Variants in PSG3 observed in about 807,000 individuals in gnomAD.
PSG3 encodes pregnancy-specific beta-1-glycoprotein 3.
A neutral mutation model predicts 47.5 loss-of-function variants in PSG3; 61 were observed. That is an observed-to-expected ratio of 1.28 (90% CI 1.05 to 1.59). The LOEUF is 1.59. Ranked by LOEUF, PSG3 falls within the 40% of genes most tolerant of loss-of-function variation. The probability of loss-of-function intolerance (pLI) is 0.00; values close to 1 mark genes in which losing one functional copy is unlikely to be tolerated. For synonymous variants in PSG3, 263 were observed against 198.4 expected (o/e 1.33, Z -2.74); for missense variants, 756 against 524.0 (o/e 1.44, Z -4.32).
Position 42,737,123 on chromosome 19 carries a change from T to C in PSG3, c.430+1601A>G, listed in dbSNP as rs529903943. Among the ~76,000 whole-genome samples, 26 of 152,124 alleles carry C rather than the reference T, an allele frequency of 1.7e-4. 1 individual carries two copies. The highest frequency in any genetic ancestry group is 6.0e-4 in the African/African-American group (25 of 41,494). On this transcript the variant is annotated intron_variant, in intron 2 of 6. Coordinates refer to ENST00000327495, the MANE Select transcript of PSG3 (RefSeq NM_021016.4). ...GACCCCAGGGACCAGGTGCCCCCAG[T>C]TCCACAGTCCAGGACCAAGGAGCCC... is the stretch of plus-strand genomic sequence containing the variant.
chr19:42,732,998 C>G lies in PSG3; in HGVS notation c.495G>C (p.Val165=). Residue 165 remains valine, a synonymous_variant, in exon 3 of 7, where the codon GTG becomes GTC. Transcript: ENST00000327495. ...NLYPREDMEA[V]SLTCDPETPD... is the part of the protein sequence containing the mutation. ...GAGTCTCAGGATCACAGGTTAAGCT[C>G]ACAGCCTCCATGTCCTCCCTGGGGT... is the stretch of plus-strand genomic sequence containing the variant. 6.2e-7 allele frequency: 1 copy of G among 1,614,174 alleles called. No individual in the cohort carries two copies. Among genetic ancestry groups the G allele is most frequent in the South Asian group, 1.1e-5 (1 of 91,076 alleles).
In PSG3 at chr19:42,738,934, C is replaced by T; in HGVS notation, c.220G>A (p.Asp74Asn). The change falls in exon 2 of 7, where the codon GAC becomes AAC. Residue 74 changes from aspartate (D) to asparagine (N), a missense_variant. Physicochemically the swap from Asp to Asn is conservative, Grantham distance 23. Transcript: ENST00000327495. ...TATGATGTAATGTAATGGTAGAGGT[C>T]CTTCATTTGCCCTTTGTACCAGATG... ...GYIWYKGQMK[D>N]LYHYITSYVV... The T allele has an allele frequency of 6.2e-7, 1 of 1,613,942 alleles. No individual in the cohort carries two copies. Among genetic ancestry groups the T allele is most frequent in the Non-Finnish European group, 8.5e-7 (1 of 1,179,958 alleles).
intron 6 of PSG3, among the ~76,000 whole-genome samples, chr19:42,722,615 A>G (rs553556414): frequency 1.3e-5 from 2 of 152,188 alleles, no homozygotes; most frequent in Non-Finnish European, 2.9e-5. Context: ...AGCATCACTT[A>G]TCACTTATTT....
intron 5 of PSG3, among the ~76,000 whole-genome samples, chr19:42,724,874 C>CATAT (rs542715083): frequency 0.022 from 3,284 of 150,508 alleles, 99 homozygotes; most frequent in African/African-American, 0.075. Flanking sequence ...CCTCTTTTTC[C>CATAT]ATATATATAT....
chr19:42,734,442 A>G (rs539918574), intron 2 of PSG3, among the ~76,000 whole-genome samples: 5 of 152,278 alleles, frequency 3.3e-5, no homozygotes, highest in African/African-American at 9.6e-5. Context: ...CTCAATTTGT[A>G]ATACTGTAAT....
intron 5 of PSG3, among the ~76,000 whole-genome samples, chr19:42,725,580 T>C (rs1969362966): frequency 2.0e-5 from 3 of 152,210 alleles, no homozygotes; most frequent in Non-Finnish European, 2.9e-5. Flanking sequence ...GAAAATGGAC[T>C]CTGAGCATGG....
In PSG3 at chr19:42,732,685, G is replaced by A. The variant is rs968472051; in HGVS notation, c.709+99C>T. 9.9e-6 allele frequency: 16 copies of A among 1,613,296 alleles called. No homozygotes were observed. In the African/African-American group the frequency reaches 2.0e-4, roughly 20 times the overall value. The stretch of plus-strand genomic sequence containing the variant: ...CCAGGTTTGATGTCCAGGGGTAAAG[G>A]TCTCTGTACTTGGACCTGAGAGGGA... On this transcript the variant is annotated intron_variant, in intron 3 of 6. Transcript: ENST00000327495.
intron 5 of PSG3, among the ~76,000 whole-genome samples, 191 bp from the exon 6 acceptor site, chr19:42,724,216 T>A (rs1481680900): frequency 1.3e-5 from 2 of 152,202 alleles, no homozygotes; most frequent in African/African-American, 2.4e-5. Flanking sequence ...TGTTTCTCAG[T>A]TGGTGATCAG....
rs543427257 is a variant in PSG3 at position 42,739,029 on chromosome 19, G to C, written c.125C>G (p.Pro42Arg). The C allele has an allele frequency of 6.2e-7, 1 of 1,613,780 alleles. No homozygotes were observed. Among genetic ancestry groups the C allele is most frequent in the Admixed American group, 1.7e-5 (1 of 60,010 alleles). Residue 42 changes from proline to arginine, a missense_variant, in exon 2 of 7, where the codon CCA (proline) becomes CGA (arginine). By Grantham distance (103) the Pro-to-Arg change is moderately radical. Transcript: ENST00000327495. The part of the protein sequence containing the change: ...TTAQVTIEAE[P>R]TKVSKGKDVL... The stretch of plus-strand genomic sequence containing the variant: ...GTCCTTCCCCTTGGAAACTTTGGTT[G>C]GCTCGGCTTCAATCGTGACTTGGGC...
chr19:42,728,314 A>C (rs1188413415), intron 5 of PSG3, among the ~76,000 whole-genome samples: 1 of 152,154 alleles, frequency 6.6e-6, no homozygotes, highest in Non-Finnish European at 1.5e-5. Context: ...ACTTTTTGGC[A>C]CTGCCCCTTT....
chr19:42,729,655 C>T lies in PSG3; in HGVS notation c.988+123G>A, dbSNP rs1969437729. 5 of 1,546,484 alleles carry T rather than the reference C, an allele frequency of 3.2e-6. No individual in the cohort carries two copies. In the Admixed American group the frequency reaches 9.7e-5, roughly 30 times the overall value. The stretch of plus-strand genomic sequence containing the variant: ...TCTTCCCAGGGCAGGAAGTTATGGC[C>T]AGCTCGGATGTCCAGAAGTAATGGT... On this transcript the variant is annotated intron_variant, in intron 4 of 6. Transcript: ENST00000327495.
intron 1 of PSG3, among the ~76,000 whole-genome samples, chr19:42,740,070 A>C (rs1472879665): frequency 6.6e-6 from 1 of 151,268 alleles, no homozygotes; most frequent in Non-Finnish European, 1.5e-5. Context: ...CTCCTGCCTC[A>C]GCCTCCCGGG....
intron 5 of PSG3, among the ~76,000 whole-genome samples, chr19:42,724,784 G>A (rs561016576): frequency 6.6e-6 from 1 of 151,800 alleles, no homozygotes; most frequent in South Asian, 2.1e-4. Context: ...TAACATACCA[G>A]GCTTGATTCT....
intron 6 of PSG3, among the ~76,000 whole-genome samples, chr19:42,722,641 A>G (rs1292133093): frequency 6.6e-6 from 1 of 152,184 alleles, no homozygotes; most frequent in Non-Finnish European, 1.5e-5. Flanking sequence ...TGCTTTCTAT[A>G]TAATTTAACT....
intron 2 of PSG3, 67 bp downstream of exon 2, chr19:42,738,657 A>T: frequency 1.2e-6 from 2 of 1,612,098 alleles, no homozygotes; most frequent in Non-Finnish European, 1.7e-6. Flanking sequence ...TCCAGGCCTG[A>T]CAATCCTTTG....
chr19:42,738,895 G>T lies in PSG3; in HGVS notation c.259C>A (p.Gln87Lys), dbSNP rs146134396. 2 of 1,613,900 alleles carry T rather than the reference G, an allele frequency of 1.2e-6. No homozygotes were observed. Among genetic ancestry groups the T allele is most frequent in the African/African-American group, 2.7e-5 (2 of 74,850 alleles). Reference sequence around the variant, plus strand: ...TATGCAGGCCCATATATAATTATTTGACCATCTACTACGTATGATGTAATG... The same window carrying T: ...TATGCAGGCCCATATATAATTATTTTACCATCTACTACGTATGATGTAATG... ...HYITSYVVDG[Q>K]IIIYGPAYSG... Residue 87 changes from glutamine to lysine, a missense_variant, in exon 2 of 7, where the codon CAA becomes AAA. Transcript: ENST00000327495.
intron 1 of PSG3, 145 bp from the exon 2 acceptor site, chr19:42,739,234 A>C: frequency 7.8e-7 from 1 of 1,282,064 alleles, no homozygotes; most frequent in Non-Finnish European, 1.1e-6. Flanking sequence ...ACACACACAA[A>C]AGGGGCATGT....
intron 2 of PSG3, among the ~76,000 whole-genome samples, chr19:42,734,351 A>T (rs1969526432): frequency 6.6e-6 from 1 of 152,208 alleles, no homozygotes; most frequent in Admixed American, 6.5e-5. Flanking sequence ...GCCAGTGAGC[A>T]CTTCTTTTTA....
rs374863287 is a variant in PSG3 at position 42,739,043 on chromosome 19, C to T, written c.111G>A (p.Thr37=). 5.6e-6 allele frequency: 9 copies of T among 1,612,954 alleles called. No individual in the cohort carries two copies. The highest frequency in any genetic ancestry group is 2.7e-5 in the African/African-American group (2 of 74,806). Residue 37 remains threonine, a synonymous_variant, in exon 2 of 7, where the codon ACG becomes ACA. Coordinates refer to ENST00000327495, the MANE Select transcript of PSG3 (RefSeq NM_021016.4). ...FWNLPTTAQV[T]IEAEPTKVSK... is the part of the protein sequence containing the mutation. ...AAACTTTGGTTGGCTCGGCTTCAATCGTGACTTGGGCAGTGGTAGGCAAGT... is the reference window on the plus strand; with the variant it reads ...AAACTTTGGTTGGCTCGGCTTCAATTGTGACTTGGGCAGTGGTAGGCAAGT...
Sources: allele counts gnomAD v4.1 joint callset (sites outside exome capture counted in the v4.1 genomes callset), GRCh38; gene constraint gnomAD v4.1.1; transcripts MANE v1.5; gene names NCBI Gene and HGNC (gene_info 2026-07-23, HGNC 2026-07-21).